PDZD2: variants seen among roughly 807,000 people sequenced by gnomAD.
The protein encoded by PDZD2 is PDZ domain-containing protein 2.
Under a neutral mutation model 220.7 loss-of-function variants are expected in PDZD2, and 90 were observed. The ratio of observed to expected loss-of-function variants is 0.41; its 90% confidence interval spans 0.34 to 0.49. The LOEUF is 0.49. Ranked by LOEUF, PDZD2 falls within the 20% of genes least tolerant of loss-of-function variation. The pLI is 0.28. For missense variants in PDZD2, 3,174 were observed against 3,608.5 expected (o/e 0.88, Z 3.08); for synonymous variants, 1,375 against 1,450.5 (o/e 0.95, Z 1.18).
In PDZD2 at chr5:32,088,244, T is replaced by C. The variant is rs989903533; in HGVS notation, c.4796T>C (p.Ile1599Thr). Residue 1599 changes from isoleucine (I) to threonine (T), a missense_variant, in exon 20 of 25, where the codon ATT becomes ACT. This residue lies in a region of PDZD2 where 1,861 missense variants were observed against 2,001.0 expected (regional missense o/e 0.93). Transcript: ENST00000438447. This position sits in a 1 kb window ranked among gnomAD's most constrained non-coding sequence, Gnocchi z 4.6. ...CCTTCGGAGTCAGAAGAGGAACAGA[T>C]TGAGATTTGTTCCACACGTGGCTGC... ...EDPSESEEEQ[I>T]EICSTRGCPN... is the part of the protein sequence containing the mutation. 4 of 1,613,960 alleles carry C rather than the reference T, an allele frequency of 2.5e-6. No individual in the cohort carries two copies. Among genetic ancestry groups the C allele is most frequent in the African/African-American group, 1.3e-5 (1 of 74,882 alleles).
At chr5:31,771,889 A>C (rs942256716) in intron 1 of PDZD2, among the ~76,000 whole-genome samples, 9 of 144,268 alleles carry the variant, frequency 6.2e-5, no homozygotes, top group African/African-American at 2.1e-4. Context: ...AAATGAGATA[A>C]TTAGATTAGA....
Position 31,730,587 on chromosome 5 carries a change from TGTGTG to T in PDZD2, c.-360-68296_-360-68292del, listed in dbSNP as rs1561414034. On this transcript the variant is annotated intron_variant, in intron 1 of 24. Transcript: ENST00000438447. ...GTGTGTGTGTGTGTGTGTGTGTGTGTGTGTGGTGTGTGTGTGTGTGTGTAAGGGAG... is the reference window on the plus strand; with the variant it reads ...GTGTGTGTGTGTGTGTGTGTGTGTGTGTGTGTGTGTGTGTGTGTAAGGGAG... Among the ~76,000 whole-genome samples the T allele has an allele frequency of 4.4e-3, 454 of 102,364 alleles. 3 individuals are homozygous for T. Among genetic ancestry groups the T allele is most frequent in the African/African-American group, 0.014 (361 of 25,278 alleles). The allele number at this position is 102,364 out of a possible 152,430, so 67.2% of individuals were successfully genotyped here. A position where few individuals can be genotyped will look rare whatever the true frequency, so the allele number is the denominator to read the frequency against.
chr5:32,002,967 A>AAC (rs1315552702), intron 5 of PDZD2, among the ~76,000 whole-genome samples: 1 of 88,902 alleles, frequency 1.1e-5, no homozygotes, highest in African/African-American at 4.5e-5. Flanking sequence ...CACACACACC[A>AAC]ACACACACAC....
At chr5:31,963,464 GCA>G (rs146020210) in intron 2 of PDZD2, among the ~76,000 whole-genome samples, 26 of 152,082 alleles carry the variant, frequency 1.7e-4, no homozygotes, top group Admixed American at 9.8e-4. Context: ...CGGGGGCTGT[GCA>G]CACACACACA....
At chr5:32,070,610 A>C (rs67975903) in intron 15 of PDZD2, among the ~76,000 whole-genome samples, 50,736 of 152,106 alleles carry the variant, frequency 0.33, 8,570 homozygotes, top group East Asian at 0.42. Context: ...CAGTTCTTTC[A>C]TGAGTTTCTT....
intron 1 of PDZD2, among the ~76,000 whole-genome samples, chr5:31,786,638 C>T (rs1381871224): frequency 6.6e-6 from 1 of 152,102 alleles, no homozygotes. Context: ...GCTACTTCAT[C>T]CCTGCCTCGC....
At chr5:31,712,206 G>A (rs1281502257) in intron 1 of PDZD2, 2 of 152,262 alleles carry the variant, frequency 1.3e-5, no homozygotes, top group Non-Finnish European at 2.9e-5. Context: ...TGTTGCTGCA[G>A]TAGAACCCAT....
intron 2 of PDZD2, among the ~76,000 whole-genome samples, chr5:31,803,108 T>TAC (rs1561471963): frequency 6.6e-6 from 1 of 150,588 alleles, no homozygotes; most frequent in South Asian, 2.1e-4. Flanking sequence ...TTTATTTTTT[T>TAC]TTTTTGCAGA....
chr5:32,097,178 G>A (rs963889083), intron 21 of PDZD2, 101 bp from the exon 22 acceptor site: 4 of 768,080 alleles, frequency 5.2e-6, no homozygotes, highest in African/African-American at 1.7e-5. Context: ...CAAGAGGACT[G>A]ACATCAGAGC....
intron 19 of PDZD2, among the ~76,000 whole-genome samples, chr5:32,082,755 C>T (rs1048563888): frequency 6.6e-6 from 1 of 152,082 alleles, no homozygotes; most frequent in Non-Finnish European, 1.5e-5. Context: ...CATGATTTTC[C>T]TAAGAAAGTT....
intron 1 of PDZD2, among the ~76,000 whole-genome samples, chr5:31,685,927 G>A (rs1433632900): frequency 6.6e-6 from 1 of 152,110 alleles, no homozygotes; most frequent in Non-Finnish European, 1.5e-5. Context: ...AAGGTCAGGT[G>A]CAGTGGCTCA....
intron 2 of PDZD2, among the ~76,000 whole-genome samples, chr5:31,956,936 G>A (rs879301044): frequency 6.6e-6 from 1 of 151,980 alleles, no homozygotes; most frequent in Non-Finnish European, 1.5e-5. Flanking sequence ...TGTCACCCAG[G>A]CTAAAGTGCA....
At chr5:32,016,602 A>G (rs1753806189) in intron 6 of PDZD2, among the ~76,000 whole-genome samples, 1 of 152,160 alleles carries the variant, frequency 6.6e-6, no homozygotes, top group Non-Finnish European at 1.5e-5. Flanking sequence ...ATAGAGGGTT[A>G]CCACTTAGGC....
At chr5:31,885,254 C>T (rs183146684) in intron 2 of PDZD2, among the ~76,000 whole-genome samples, 2 of 148,962 alleles carry the variant, frequency 1.3e-5, no homozygotes, top group East Asian at 2.0e-4. Flanking sequence ...TTTAATACTA[C>T]TCTTTACTAT....
At chr5:32,050,609 C>T (rs1738440655) in intron 8 of PDZD2, among the ~76,000 whole-genome samples, 1 of 152,058 alleles carries the variant, frequency 6.6e-6, no homozygotes, top group Non-Finnish European at 1.5e-5. Flanking sequence ...TGCCTGAGCC[C>T]AAGTTCAAGA....
intron 9 of PDZD2, 24 bp downstream of exon 9, chr5:32,052,754 T>G: frequency 6.2e-7 from 1 of 1,610,954 alleles, no homozygotes; most frequent in Non-Finnish European, 8.5e-7. Flanking sequence ...TGCAGACTGT[T>G]CTGCCTTCTG....
Position 32,087,854 on chromosome 5 carries a change from C to T in PDZD2, c.4406C>T (p.Ser1469Phe), listed in dbSNP as rs1581462501. 2 of 1,611,660 alleles carry T rather than the reference C, an allele frequency of 1.2e-6. No homozygotes were observed. The highest frequency in any genetic ancestry group is 1.7e-6 in the Non-Finnish European group (2 of 1,179,082). Reference sequence around the variant, plus strand: ...CCAGCCGGGGCTGGAGGTGGGAGCTCCTGCCGTGCCGAACCAGTCCCGGGG... The same window carrying T: ...CCAGCCGGGGCTGGAGGTGGGAGCTTCTGCCGTGCCGAACCAGTCCCGGGG... ...HPPAGAGGGS[S>F]CRAEPVPGGQ... The change falls in exon 20 of 25, where the codon TCC becomes TTC. Residue 1469 changes from serine to phenylalanine, a missense_variant. Coordinates refer to ENST00000438447, the MANE Select transcript of PDZD2 (RefSeq NM_178140.4). The surrounding 1 kb of genome is among the most constrained non-coding windows in gnomAD (Gnocchi z 4.0).
chr5:31,738,302 A>G (rs10940961), intron 1 of PDZD2: 43,359 of 152,054 alleles, frequency 0.29, 6,521 homozygotes, highest in African/African-American at 0.38. Context: ...CCAGCCGTGT[A>G]TTGTTGCTTG....
intron 4 of PDZD2, among the ~76,000 whole-genome samples, chr5:31,999,289 T>TTG (rs1554021741): frequency 6.0e-5 from 9 of 149,632 alleles, no homozygotes; most frequent in East Asian, 2.0e-4. Flanking sequence ...TGTTTTTTTT[T>TTG]TTTGTTTGTT....
Sources: gnomAD v4.1 joint callset for allele counts (sites outside exome capture counted in the v4.1 genomes callset) on GRCh38, gnomAD v4.1.1 for gene constraint, gnomAD v4.1.1 regional missense constraint, Gnocchi (gnomAD v3.1) non-coding constraint, MANE v1.5 for transcripts, NCBI Gene and HGNC (gene_info 2026-07-23, HGNC 2026-07-21) for gene names.